Variants in CMKLR1 observed in about 807,000 individuals in gnomAD.
The protein encoded by CMKLR1 is chemerin chemokine-like receptor 1, also known as chemerin-like receptor 1.
CMKLR1 carries 6 observed loss-of-function variants against 8.2 expected under a neutral mutation model. The ratio of observed to expected loss-of-function variants is 0.73; its 90% CI spans 0.40 to 1.44. The LOEUF is 1.44. Among genes scored for constraint, CMKLR1 ranks in the 40% most tolerant of loss-of-function variants. The pLI is 0.02. For synonymous variants in CMKLR1, 178 were observed against 181.2 expected (o/e 0.98, Z 0.14); for missense variants, 429 against 478.0 (o/e 0.90, Z 0.96).
intron 1 of CMKLR1, among the ~76,000 whole-genome samples, chr12:108,330,699 C>T (rs2067459389): frequency 6.6e-6 from 1 of 152,204 alleles, no homozygotes; most frequent in Admixed American, 6.5e-5. Context: ...ATTACATGAA[C>T]CAATGAGGTA....
chr12:108,295,134 C>G (rs1438505774), intron 2 of CMKLR1, among the ~76,000 whole-genome samples: 1 of 152,194 alleles, frequency 6.6e-6, no homozygotes, highest in Non-Finnish European at 1.5e-5. Context: ...GGTAACCTGA[C>G]AGGTGTGCAT....
intron 2 of CMKLR1, among the ~76,000 whole-genome samples, chr12:108,327,117 A>C (rs1891997355): frequency 6.6e-6 from 1 of 152,214 alleles, no homozygotes; most frequent in Admixed American, 6.5e-5. Context: ...AACCCACCAA[A>C]GAGCAAAGAG....
At chr12:108,333,896 T>C (rs1892164042) in intron 1 of CMKLR1, among the ~76,000 whole-genome samples, 1 of 152,272 alleles carries the variant, frequency 6.6e-6, no homozygotes, top group South Asian at 2.1e-4. Context: ...AAGAAATAAC[T>C]GGTTTCGTGC....
chr12:108,335,845 A>G (rs1892207434), intron 1 of CMKLR1, among the ~76,000 whole-genome samples: 1 of 152,162 alleles, frequency 6.6e-6, no homozygotes, highest in Non-Finnish European at 1.5e-5. Context: ...TTCAAATTAC[A>G]CTTCCCCATA....
intron 1 of CMKLR1, among the ~76,000 whole-genome samples, chr12:108,332,310 C>G (rs1377658914): frequency 6.6e-6 from 1 of 152,174 alleles, no homozygotes; most frequent in Non-Finnish European, 1.5e-5. Flanking sequence ...CTTTGGGAGG[C>G]CAAGGCAGGT....
Position 108,318,485 on chromosome 12 carries a change from G to A in CMKLR1, c.-74+11510C>T, listed in dbSNP as rs562462576. Among the ~76,000 whole-genome samples the A allele has an allele frequency of 6.6e-5, 10 of 152,314 alleles. No homozygotes were observed. The South Asian group carries it at 1.0e-3, about 16-fold the overall frequency. On this transcript the variant is annotated intron_variant, in intron 2 of 3. Transcript: ENST00000550402. ...CCAACTCCCTGTCCTCAGTTTCCAC[G>A]TTTATCAAAGGGAAATGACAATTGT...
At chr12:108,338,124 G>A (rs1213453287) in intron 1 of CMKLR1, among the ~76,000 whole-genome samples, 1 of 152,200 alleles carries the variant, frequency 6.6e-6, no homozygotes, top group African/African-American at 2.4e-5. Flanking sequence ...CCCTGATGTT[G>A]TAATGCTTAT....
chr12:108,292,161 T>G lies in CMKLR1; in HGVS notation c.802A>C (p.Thr268Pro). 6.2e-7 allele frequency: 1 copy of G among 1,614,016 alleles called. No individual in the cohort carries two copies. Among genetic ancestry groups the G allele is most frequent in the Non-Finnish European group, 8.5e-7 (1 of 1,179,964 alleles). ...PFKIIVTIII[T>P]FFLCWCPYHT... Reference sequence around the variant, plus strand: ...TAGGGGCACCAGCAGAGGAAGAAGGTAATGATGATGGTCACAATAATCTTG... The same window carrying G: ...TAGGGGCACCAGCAGAGGAAGAAGGGAATGATGATGGTCACAATAATCTTG... Residue 268 changes from threonine to proline, a missense_variant, in exon 4 of 4, where the codon ACC becomes CCC. Coordinates refer to ENST00000550402, the MANE Select transcript of CMKLR1 (RefSeq NM_001142343.2).
In CMKLR1 at chr12:108,292,115, T is replaced by C. The variant is rs755172620; in HGVS notation, c.848A>G (p.Glu283Gly). ...GCCAGGCATGGCAGTGTGGTGGAGC[T>C]CTAGGAGGTTGAGTGTGTGGTAGGG... ...WCPYHTLNLL[E>G]LHHTAMPGSV... Residue 283 changes from glutamate to glycine, a missense_variant, in exon 4 of 4, where the codon GAG (glutamate) becomes GGG (glycine). By Grantham distance (98) the Glu-to-Gly change is moderately conservative. Coordinates refer to ENST00000550402, the MANE Select transcript of CMKLR1 (RefSeq NM_001142343.2). 4.3e-6 allele frequency: 7 copies of C among 1,613,866 alleles called. No individual in the cohort carries two copies. In the South Asian group the frequency reaches 6.6e-5, roughly 15 times the overall value.
rs1387396471 is a variant in CMKLR1, at chr12:108,292,030, C to T, written c.933G>A (p.Met311Ile). 1 of 1,614,180 alleles carries T rather than the reference C, an allele frequency of 6.2e-7. No homozygotes were observed. The highest frequency in any genetic ancestry group is 1.1e-5 in the South Asian group (1 of 91,078). The stretch of plus-strand genomic sequence containing the variant: ...CCATGAAAACATACAGAATGGGGTT[C>T]ATGCAGCTGTTGGCAATGGCAAGGG... The part of the protein sequence containing the change: ...ATALAIANSC[M>I]NPILYVFMGQ... The change falls in exon 4 of 4, where the codon ATG becomes ATA. Residue 311 changes from methionine (M) to isoleucine (I), a missense_variant. Coordinates refer to ENST00000550402, the MANE Select transcript of CMKLR1 (RefSeq NM_001142343.2).
Position 108,330,071 on chromosome 12 carries a change from A to T in CMKLR1, c.-150T>A, listed in dbSNP as rs956514381. The T allele has an allele frequency of 6.6e-6, 1 of 152,164 alleles. No individual in the cohort carries two copies. Among genetic ancestry groups the T allele is most frequent in the Admixed American group, 6.6e-5 (1 of 15,262 alleles). 9.4% of individuals were successfully genotyped at this position (152,164 alleles called of 1,614,324 possible). On this transcript the variant is annotated 5_prime_UTR_variant, in exon 2 of 4. Coordinates refer to ENST00000550402, the MANE Select transcript of CMKLR1 (RefSeq NM_001142343.2). ...TGCACTGGCATGGTGAGTTGCTGTGACCAACAGAAAGTGGTAGAAGTGATG... is the reference window on the plus strand; with the variant it reads ...TGCACTGGCATGGTGAGTTGCTGTGTCCAACAGAAAGTGGTAGAAGTGATG...
At chr12:108,296,289 G>A (rs1364585503) in intron 2 of CMKLR1, among the ~76,000 whole-genome samples, 2 of 152,232 alleles carry the variant, frequency 1.3e-5, no homozygotes, top group Non-Finnish European at 2.9e-5. Context: ...AAATGGGCTT[G>A]ATAATAATAG....
At chr12:108,337,921 G>A (rs1403098721) in intron 1 of CMKLR1, among the ~76,000 whole-genome samples, 1 of 152,204 alleles carries the variant, frequency 6.6e-6, no homozygotes, top group African/African-American at 2.4e-5. Context: ...AGGGGCAGGA[G>A]ATACAGCAAG....
chr12:108,295,433 C>T (rs899740468), intron 2 of CMKLR1, among the ~76,000 whole-genome samples: 3 of 152,230 alleles, frequency 2.0e-5, no homozygotes, highest in African/African-American at 7.2e-5. Flanking sequence ...GTTGACATTC[C>T]CTGTGCCAAA....
chr12:108,324,890 G>C (rs1022377627), intron 2 of CMKLR1, among the ~76,000 whole-genome samples: 4 of 152,106 alleles, frequency 2.6e-5, no homozygotes, highest in Non-Finnish European at 5.9e-5. Flanking sequence ...CCACAGCCAG[G>C]TCCCAGAGGG....
intron 2 of CMKLR1, among the ~76,000 whole-genome samples, chr12:108,318,778 T>C (rs537400065): frequency 6.6e-6 from 1 of 152,354 alleles, no homozygotes; most frequent in East Asian, 1.9e-4. Flanking sequence ...AGCCATGTTC[T>C]GGAGGTGCCT....
At chr12:108,322,115 G>A (rs1400271021) in intron 2 of CMKLR1, among the ~76,000 whole-genome samples, 1 of 152,222 alleles carries the variant, frequency 6.6e-6, no homozygotes, top group Non-Finnish European at 1.5e-5. Flanking sequence ...CTTGGGAGGT[G>A]GGCTGGCACT....
At chr12:108,304,782 G>A (rs993167381) in intron 2 of CMKLR1, among the ~76,000 whole-genome samples, 1 of 152,146 alleles carries the variant, frequency 6.6e-6, no homozygotes, top group African/African-American at 2.4e-5. Context: ...TTCCTCACCT[G>A]TGCGCCTAGC....
intron 2 of CMKLR1, among the ~76,000 whole-genome samples, chr12:108,304,052 A>G (rs1891345123): frequency 6.6e-6 from 1 of 152,200 alleles, no homozygotes; most frequent in South Asian, 2.1e-4. Flanking sequence ...AAGCTGAGGC[A>G]GGGGAGCAAG....
Sources: gnomAD v4.1 joint callset for allele counts (sites outside exome capture counted in the v4.1 genomes callset) on GRCh38, gnomAD v4.1.1 for gene constraint, MANE v1.5 for transcripts, NCBI Gene and HGNC (gene_info 2026-07-23, HGNC 2026-07-21) for gene names.